DLGAP4: variants seen among roughly 807,000 people sequenced by gnomAD.
DLGAP4 encodes disks large-associated protein 4.
Under a neutral mutation model 86.9 loss-of-function variants are expected in DLGAP4, and 18 were observed. The observed-to-expected ratio is 0.21, with a 90% CI of 0.14 to 0.31. The LOEUF is 0.31. Among genes scored for constraint, DLGAP4 ranks in the 10% least tolerant of loss-of-function variants. The pLI is 1.00. For missense variants in DLGAP4, 1,085 were observed against 1,362.6 expected (o/e 0.80, Z 3.21); for synonymous variants, 548 against 574.3 (o/e 0.95, Z 0.65).
Position 36,393,482 on chromosome 20 carries a change from GC to G in DLGAP4, c.-73+26210del, listed in dbSNP as rs1441991421. On this transcript the variant is annotated intron_variant, in intron 2 of 12. Transcript: ENST00000339266. The surrounding 1 kb of genome is among the most constrained non-coding windows in gnomAD (Gnocchi z 4.4). The stretch of plus-strand genomic sequence containing the variant: ...AGACGCTCTGGGGTCTGGAAACCCA[GC>G]CCTCTTGGTAAGCTGGGAAGTATGG... 3.3e-5 allele frequency among the ~76,000 whole-genome samples: 5 copies of G among 152,150 alleles called. No homozygotes were observed. In the South Asian group the frequency reaches 6.2e-4, roughly 19 times the overall value.
At chr20:36,316,421 C>T (rs1313226862) in intron 1 of DLGAP4, among the ~76,000 whole-genome samples, 2 of 152,162 alleles carry the variant, frequency 1.3e-5, no homozygotes, top group Non-Finnish European at 2.9e-5. Flanking sequence ...TTACTGTTCC[C>T]TTTCCCTGGA....
At chr20:36,430,478 C>G (rs2033098457) in intron 2 of DLGAP4, among the ~76,000 whole-genome samples, 1 of 152,046 alleles carries the variant, frequency 6.6e-6, no homozygotes, top group Admixed American at 6.6e-5. Flanking sequence ...CGGTACTGCC[C>G]TCAGACCTGG....
At chr20:36,499,372 CGCCCGCCCGCCT>C (rs1569520395) in intron 8 of DLGAP4, 2 of 1,539,318 alleles carry the variant, frequency 1.3e-6, no homozygotes, top group South Asian at 2.4e-5. Flanking sequence ...CCCACCTGCC[CGCCCGCCCGCCT>C]GCCCGCCTCC....
At chr20:36,337,640 C>T (rs868973717) in intron 1 of DLGAP4, among the ~76,000 whole-genome samples, 6 of 152,128 alleles carry the variant, frequency 3.9e-5, no homozygotes, top group South Asian at 2.1e-4. Context: ...AAATTTGCAG[C>T]GGATGCAGTT....
intron 2 of DLGAP4, among the ~76,000 whole-genome samples, chr20:36,377,597 C>T (rs538570709): frequency 6.6e-6 from 1 of 152,304 alleles, no homozygotes; most frequent in East Asian, 1.9e-4. Flanking sequence ...TCAGGGTGCT[C>T]CTGCCTGCCT....
At chr20:36,315,069 G>GTGGTGTA (rs2065086086) in intron 1 of DLGAP4, among the ~76,000 whole-genome samples, 1 of 59,108 alleles carries the variant, frequency 1.7e-5, no homozygotes, top group African/African-American at 6.6e-5. Context: ...TGTGTGGTGT[G>GTGGTGTA]ATGTGTGTGT....
intron 8 of DLGAP4, 190 bp from the exon 9 acceptor site, chr20:36,499,398 C>T (rs868036351): frequency 8.7e-6 from 13 of 1,496,132 alleles, no homozygotes; most frequent in South Asian, 3.6e-5. Flanking sequence ...CGCCTCCACG[C>T]GAATGAGCAG....
intron 1 of DLGAP4, among the ~76,000 whole-genome samples, chr20:36,336,940 T>A (rs2065328786): frequency 6.6e-6 from 1 of 152,222 alleles, no homozygotes; most frequent in East Asian, 1.9e-4. Flanking sequence ...GCCCCCTCTC[T>A]GCTGTGCGCA....
intron 8 of DLGAP4, chr20:36,497,630 G>A (rs988232093): frequency 3.1e-5 from 31 of 986,922 alleles, no homozygotes; most frequent in Non-Finnish European, 3.4e-5. Flanking sequence ...CCAGGCCCAT[G>A]TCATTGAGAA....
At chr20:36,508,304 A>G (rs367729773) in intron 10 of DLGAP4, 83 of 152,292 alleles carry the variant, frequency 5.5e-4, no homozygotes, top group African/African-American at 1.9e-3. Flanking sequence ...TTTATATTGA[A>G]CGCTATGTCT....
At chr20:36,362,510 T>C (rs906716600) in intron 1 of DLGAP4, among the ~76,000 whole-genome samples, 3 of 151,958 alleles carry the variant, frequency 2.0e-5, no homozygotes, top group Non-Finnish European at 4.4e-5. Flanking sequence ...AGCTCAGAGG[T>C]GTGAGCTGGG....
At chr20:36,338,711 CA>C (rs1211973794) in intron 1 of DLGAP4, among the ~76,000 whole-genome samples, 2 of 152,140 alleles carry the variant, frequency 1.3e-5, no homozygotes, top group Non-Finnish European at 2.9e-5. Flanking sequence ...CAAATGACAA[CA>C]AAAAAATAGA....
In DLGAP4 at chr20:36,462,442, G is replaced by C. The variant is rs936091304; in HGVS notation, c.1648+15505G>C. Reference sequence around the variant, plus strand: ...CCCTTTGAGCCTGCTTCTTTGCCTGGGGCCCTTGGCCCCCCCTTGCTTTTT... The same window carrying C: ...CCCTTTGAGCCTGCTTCTTTGCCTGCGGCCCTTGGCCCCCCCTTGCTTTTT... On this transcript the variant is annotated intron_variant, in intron 7 of 12. Coordinates refer to ENST00000339266, the MANE Select transcript of DLGAP4 (RefSeq NM_001365621.2). 40 of 1,526,726 alleles carry C rather than the reference G, an allele frequency of 2.6e-5. No individual in the cohort carries two copies. In the African/African-American group the frequency reaches 5.4e-4, roughly 21 times the overall value. 94.6% of individuals were successfully genotyped at this position (1,526,726 alleles called of 1,614,324 possible).
At chr20:36,380,462 C>T (rs1014546071) in intron 2 of DLGAP4, among the ~76,000 whole-genome samples, 7 of 152,028 alleles carry the variant, frequency 4.6e-5, no homozygotes, top group Non-Finnish European at 1.0e-4. Context: ...GTGGCACATT[C>T]CTGTAGTCCC....
chr20:36,307,727 T>C (rs1555889619), intron 1 of DLGAP4, among the ~76,000 whole-genome samples: 8 of 151,984 alleles, frequency 5.3e-5, no homozygotes. Flanking sequence ...CTGCCCTGCC[T>C]CTACCTCCAC....
At chr20:36,435,038 T>G (rs560856682) in intron 3 of DLGAP4, among the ~76,000 whole-genome samples, 2 of 150,732 alleles carry the variant, frequency 1.3e-5, no homozygotes, top group African/African-American at 2.4e-5. Context: ...GGGAGGGTAG[T>G]GGGAAGGTGG....
intron 10 of DLGAP4, among the ~76,000 whole-genome samples, chr20:36,504,536 G>GT (rs2036279145): frequency 6.6e-6 from 1 of 152,106 alleles, no homozygotes; most frequent in Admixed American, 6.6e-5. Flanking sequence ...AAGTTATCTG[G>GT]TAACGCTATG....
intron 10 of DLGAP4, among the ~76,000 whole-genome samples, chr20:36,523,323 T>TAATA (rs1189781923): frequency 6.6e-6 from 1 of 152,204 alleles, no homozygotes; most frequent in Non-Finnish European, 1.5e-5. Context: ...CTAGAAGTCA[T>TAATA]AATACAAGAT....
At position 36,466,691 on chromosome 20, in the gene DLGAP4, AG is replaced by A. The variant is rs578050338; in HGVS notation, c.1648+19755del. Reference sequence around the variant, plus strand: ...TAAAGAGAAATACAAGCCACATTCTAGAGCTAAAACATGGCTGTTCCACAGC... The same window carrying A: ...TAAAGAGAAATACAAGCCACATTCTAAGCTAAAACATGGCTGTTCCACAGC... On this transcript the variant is annotated intron_variant, in intron 7 of 12. Coordinates refer to ENST00000339266, the MANE Select transcript of DLGAP4 (RefSeq NM_001365621.2). Among the ~76,000 whole-genome samples the A allele has an allele frequency of 4.4e-3, 675 of 152,372 alleles. 3 individuals are homozygous for A. The highest frequency in any genetic ancestry group is 6.8e-3 in the Non-Finnish European group (462 of 68,038).
Sources: gnomAD v4.1 joint callset for allele counts (sites outside exome capture counted in the v4.1 genomes callset) on GRCh38, gnomAD v4.1.1 for gene constraint, Gnocchi (gnomAD v3.1) non-coding constraint, MANE v1.5 for transcripts, NCBI Gene and HGNC (gene_info 2026-07-23, HGNC 2026-07-21) for gene names.